Variants in PTCD2 observed in about 807,000 individuals in gnomAD.
PTCD2 encodes the protein pentatricopeptide repeat domain 2.
Under a neutral mutation model 42.6 loss-of-function variants are expected in PTCD2, and 31 were observed. The observed-to-expected ratio is 0.73, with a 90% CI of 0.55 to 0.98. PTCD2 has a LOEUF of 0.98. Ranked by LOEUF, PTCD2 falls within the 50% of genes least tolerant of loss-of-function variation. The pLI, the probability that PTCD2 is intolerant of heterozygous loss-of-function variation, is 0.00. For synonymous variants in PTCD2, 183 were observed against 170.9 expected (o/e 1.07, Z -0.55); for missense variants, 476 against 454.8 (o/e 1.05, Z -0.42).
At chr5:72,340,911 A>G (rs1043877828) in intron 7 of PTCD2, among the ~76,000 whole-genome samples, 44 of 149,868 alleles carry the variant, frequency 2.9e-4, no homozygotes, top group African/African-American at 9.8e-4. Context: ...TTCTATATCC[A>G]TGGAAATATT....
intron 2 of PTCD2, among the ~76,000 whole-genome samples, chr5:72,325,862 C>A (rs16877553): frequency 6.6e-6 from 1 of 152,154 alleles, no homozygotes; most frequent in Non-Finnish European, 1.5e-5. Flanking sequence ...GGGAATAAAG[C>A]CCCTTATTGA....
intron 3 of PTCD2, among the ~76,000 whole-genome samples, chr5:72,330,978 G>C (rs563442200): frequency 1.3e-5 from 2 of 152,286 alleles, no homozygotes; most frequent in East Asian, 3.9e-4. Context: ...TCTAGGGGTT[G>C]TTTCTAAATT....
rs1489353629 is a variant in PTCD2, at chr5:72,320,482, T to A, written c.100T>A (p.Ser34Thr). ...GTATCCTGGGGTGGGAGGCTCCGGC[T>A]CTGTCAGCTGCCGCTGCCCTCTCGG... ...LVYPGVGGSGSVSCRCPLGAK... is the reference protein window; with the variant it reads ...LVYPGVGGSGTVSCRCPLGAK... Residue 34 changes from serine (S) to threonine (T), a missense_variant, in exon 1 of 10, where the codon TCT becomes ACT. Physicochemically the swap from Ser to Thr is moderately conservative, Grantham distance 58 (BLOSUM62 1). Coordinates refer to ENST00000380639, the MANE Select transcript of PTCD2 (RefSeq NM_024754.5). 1 of 1,613,888 alleles carries A rather than the reference T, an allele frequency of 6.2e-7. No homozygotes were observed.
chr5:72,323,520 A>G (rs780613768), intron 2 of PTCD2, among the ~76,000 whole-genome samples: 3 of 151,050 alleles, frequency 2.0e-5, no homozygotes, highest in Admixed American at 6.6e-5. Context: ...TTATGAACAC[A>G]TCTAAGACTT....
chr5:72,356,814 C>T (rs1752896062), intron 9 of PTCD2, among the ~76,000 whole-genome samples: 1 of 152,208 alleles, frequency 6.6e-6, no homozygotes, highest in African/African-American at 2.4e-5. Context: ...AGCTGCTTGT[C>T]TGCAGGCATG....
chr5:72,335,725 C>A, intron 5 of PTCD2, 69 bp from the exon 6 acceptor site: 1 of 964,510 alleles, frequency 1.0e-6, no homozygotes, highest in Non-Finnish European at 1.7e-6. Context: ...TGGTGCTGAA[C>A]AGATGAGAGC....
intron 9 of PTCD2, among the ~76,000 whole-genome samples, chr5:72,354,877 A>T (rs1395687016): frequency 6.6e-6 from 1 of 152,234 alleles, no homozygotes; most frequent in African/African-American, 2.4e-5. Flanking sequence ...GTCTGTTCGT[A>T]CAAAGGACAG....
chr5:72,342,498 C>G (rs1039456396), intron 7 of PTCD2, among the ~76,000 whole-genome samples: 4 of 152,178 alleles, frequency 2.6e-5, no homozygotes, highest in African/African-American at 9.7e-5. Context: ...CCTTTGAGAG[C>G]TGTACTGTTG....
intron 2 of PTCD2, 82 bp from the exon 3 acceptor site, chr5:72,326,530 G>A (rs1751146443): frequency 3.3e-6 from 5 of 1,516,994 alleles, no homozygotes; most frequent in Middle Eastern, 1.7e-4. Flanking sequence ...GCCGGGGTTG[G>A]GCTTCCCCAT....
intron 9 of PTCD2, among the ~76,000 whole-genome samples, chr5:72,357,257 C>T (rs1481896802): frequency 1.3e-5 from 2 of 152,188 alleles, no homozygotes; most frequent in African/African-American, 4.8e-5. Flanking sequence ...TGATAGCACC[C>T]ATCATCAAGC....
In PTCD2 at chr5:72,320,502, T is replaced by C; in HGVS notation, c.120T>C (p.Pro40=). 1.9e-6 allele frequency: 3 copies of C among 1,613,784 alleles called. No homozygotes were observed. The highest frequency in any genetic ancestry group is 1.7e-6 in the Non-Finnish European group (2 of 1,179,996). The change falls in exon 1 of 10, where the codon CCT becomes CCC. Residue 40 remains proline (P), a synonymous_variant. Transcript: ENST00000380639. ...CCGGCTCTGTCAGCTGCCGCTGCCC[T>C]CTCGGAGGTATCCGCGGCTTTAGCC... ...GGSGSVSCRC[P]LGAKRYLLTD...
Position 72,343,008 on chromosome 5 carries a change from CAG to C in PTCD2, c.802_803del (p.Glu268LysfsTer6). The C allele has an allele frequency of 6.3e-7, 1 of 1,599,858 alleles. No homozygotes were observed. Among genetic ancestry groups the C allele is most frequent in the South Asian group, 1.1e-5 (1 of 89,138 alleles). On this transcript the variant is annotated frameshift_variant, in exon 8 of 10. Coordinates refer to ENST00000380639, the MANE Select transcript of PTCD2 (RefSeq NM_024754.5). LOFTEE classifies it high-confidence loss of function. ...TCCATTTTTTCTCAAATCATGAATC[CAG>C]AAAGCATAGCCTGCATTAATTTAAA...
Position 72,331,372 on chromosome 5 carries a change from C to G in PTCD2, c.465C>G (p.Asp155Glu). Residue 155 changes from aspartate (D) to glutamate (E), a missense_variant, in exon 4 of 10, where the codon GAC becomes GAG. By Grantham distance (45) the Asp-to-Glu change is conservative. Transcript: ENST00000380639. ...AATCTGCAGTGGAGCTCATGAAAGA[C>G]CAGGTTATTGTTTCCTAATTGTTTT... Reference protein sequence around the residue: ...LEESAVELMKDQHLRGFFSDS... With the variant: ...LEESAVELMKEQHLRGFFSDS... 1 of 1,598,332 alleles carries G rather than the reference C, an allele frequency of 6.3e-7. No individual in the cohort carries two copies. Among genetic ancestry groups the G allele is most frequent in the Non-Finnish European group, 8.6e-7 (1 of 1,165,600 alleles).
Position 72,320,400 on chromosome 5 carries a change from G to A in PTCD2, c.18G>A (p.Met6Ile), listed in dbSNP as rs1750742419. MVRDS[M>I]AAAFRPSNRV... ...TAGTTGGTATGGTCCGAGACAGTAT[G>A]GCTGCTGCATTTCGGCCCTCGAATC... is the stretch of plus-strand genomic sequence containing the variant. The change falls in exon 1 of 10, where the codon ATG becomes ATA. Residue 6 changes from methionine to isoleucine, a missense_variant. Met to Ile is a conservative substitution (Grantham distance 10). Transcript: ENST00000380639. 1.2e-6 allele frequency: 2 copies of A among 1,614,094 alleles called. No homozygotes were observed. Among genetic ancestry groups the A allele is most frequent in the African/African-American group, 1.3e-5 (1 of 74,930 alleles).
In PTCD2 at chr5:72,326,684, T is replaced by C. The variant is rs749927465; in HGVS notation, c.293T>C (p.Leu98Ser). ...KLILKGELITLLHLCESRDHV... is the reference protein window; with the variant it reads ...KLILKGELITSLHLCESRDHV... ...ATCTTGAAGGGGGAGTTGATAACCT[T>C]ACTACATTTGTGTGAGTCTCGGGAC... Residue 98 changes from leucine to serine, a missense_variant, in exon 3 of 10, where the codon TTA becomes TCA. Transcript: ENST00000380639. 1 of 1,614,126 alleles carries C rather than the reference T, an allele frequency of 6.2e-7. No homozygotes were observed. The highest frequency in any genetic ancestry group is 8.5e-7 in the Non-Finnish European group (1 of 1,179,966).
At chr5:72,341,347 T>G (rs1028867412) in intron 7 of PTCD2, among the ~76,000 whole-genome samples, 1 of 152,142 alleles carries the variant, frequency 6.6e-6, no homozygotes, top group Non-Finnish European at 1.5e-5. Context: ...CCAGTTATTT[T>G]CTTAATTTTG....
At chr5:72,320,578 G>A (rs982790592) in intron 1 of PTCD2, 69 bp downstream of exon 1, 1 of 1,597,964 alleles carries the variant, frequency 6.3e-7, no homozygotes, top group Non-Finnish European at 8.5e-7. Flanking sequence ...ATCCCAGCTA[G>A]CATCTCTGTG....
intron 4 of PTCD2, among the ~76,000 whole-genome samples, chr5:72,332,554 T>C (rs983169472): frequency 6.6e-6 from 1 of 152,214 alleles, no homozygotes; most frequent in Non-Finnish European, 1.5e-5. Flanking sequence ...TATGTTAATG[T>C]TTCAGTTAAA....
chr5:72,327,472 ATTTT>A (rs11416975), intron 3 of PTCD2, among the ~76,000 whole-genome samples: 1 of 136,078 alleles, frequency 7.3e-6, no homozygotes, highest in Admixed American at 7.4e-5. Flanking sequence ...TTTTTAAACT[ATTTT>A]TTTTTTTTTT....
Sources: gnomAD v4.1 joint callset for allele counts (sites outside exome capture counted in the v4.1 genomes callset) on GRCh38, gnomAD v4.1.1 for gene constraint, MANE v1.5 for transcripts, NCBI Gene and HGNC (gene_info 2026-07-23, HGNC 2026-07-21) for gene names.